Variants in CDYL2 observed in about 807,000 individuals in gnomAD.
The protein encoded by CDYL2 is chromodomain Y like 2.
Under a neutral mutation model 49.4 loss-of-function variants are expected in CDYL2, and 23 were observed. The ratio of observed to expected loss-of-function variants is 0.47; its 90% CI spans 0.34 to 0.66. The LOEUF (loss-of-function observed/expected upper bound fraction) is 0.66, where lower values mean the gene tolerates loss of function less well. CDYL2 is among the 30% of genes least tolerant of loss of function. The pLI is 0.01. For missense variants in CDYL2, 678 were observed against 656.4 expected (o/e 1.03, Z -0.36); for synonymous variants, 360 against 268.8 (o/e 1.34, Z -3.32).
At chr16:80,615,344 A>T (rs1299888939) in intron 4 of CDYL2, among the ~76,000 whole-genome samples, 2 of 152,100 alleles carry the variant, frequency 1.3e-5, no homozygotes, top group Admixed American at 6.5e-5. Context: ...AGGGGTTTGG[A>T]TGATTTTTGT....
intron 2 of CDYL2, among the ~76,000 whole-genome samples, chr16:80,676,068 T>C (rs1373124532): frequency 2.6e-5 from 4 of 152,144 alleles, no homozygotes. Flanking sequence ...CCCTTGGATC[T>C]GCCATAGGTC....
chr16:80,654,052 T>C (rs1813964361), intron 2 of CDYL2, among the ~76,000 whole-genome samples: 1 of 152,164 alleles, frequency 6.6e-6, no homozygotes, highest in African/African-American at 2.4e-5. Context: ...TTTCTGCCAA[T>C]GAAGTGAGTG....
intron 2 of CDYL2, chr16:80,662,806 C>G (rs1001838900): frequency 2.2e-6 from 1 of 454,240 alleles, no homozygotes; most frequent in Non-Finnish European, 4.4e-6. Context: ...GGAAAATCAT[C>G]ATGGATACCT....
chr16:80,709,211 G>A (rs1445812955), intron 1 of CDYL2, among the ~76,000 whole-genome samples: 5 of 152,060 alleles, frequency 3.3e-5, no homozygotes, highest in African/African-American at 1.2e-4. Flanking sequence ...GCGAAACCCC[G>A]TCTCCACTAC....
intron 1 of CDYL2, among the ~76,000 whole-genome samples, chr16:80,784,968 C>G (rs1907387224): frequency 6.6e-6 from 1 of 152,208 alleles, no homozygotes; most frequent in Non-Finnish European, 1.5e-5. Context: ...CAAAGGATAG[C>G]TGCATGAACA....
chr16:80,728,416 G>A (rs1385510942), intron 1 of CDYL2, among the ~76,000 whole-genome samples: 5 of 152,100 alleles, frequency 3.3e-5, no homozygotes, highest in South Asian at 2.1e-4. Context: ...AAAAAGAAAC[G>A]AACAAAGCCT....
At chr16:80,640,203 G>C (rs1311439471) in intron 2 of CDYL2, among the ~76,000 whole-genome samples, 1 of 152,192 alleles carries the variant, frequency 6.6e-6, no homozygotes, top group Non-Finnish European at 1.5e-5. Context: ...GTATCCAAAA[G>C]AGATCCCTCC....
chr16:80,679,733 C>G (rs1333311742), intron 2 of CDYL2: 2 of 456,010 alleles, frequency 4.4e-6, no homozygotes, highest in East Asian at 6.9e-5. Flanking sequence ...CTCAATACCA[C>G]CACCTGGCAG....
At chr16:80,778,010 A>AT (rs966640215) in intron 1 of CDYL2, among the ~76,000 whole-genome samples, 12 of 152,050 alleles carry the variant, frequency 7.9e-5, no homozygotes, top group African/African-American at 2.9e-4. Flanking sequence ...AAATATGGAA[A>AT]TTTTTAAAAA....
intron 1 of CDYL2, among the ~76,000 whole-genome samples, chr16:80,769,988 T>TTA (rs1034299324): frequency 3.3e-5 from 5 of 152,154 alleles, no homozygotes; most frequent in African/African-American, 1.2e-4. Flanking sequence ...TATTAGAAAG[T>TTA]GTCAGGTTTT....
chr16:80,625,572 T>TACC (rs1907264751), intron 3 of CDYL2, among the ~76,000 whole-genome samples: 1 of 152,214 alleles, frequency 6.6e-6, no homozygotes, highest in East Asian at 1.9e-4. Flanking sequence ...GGCTTCTATC[T>TACC]ACCACAGACT....
At chr16:80,716,032 G>A (rs1029926358) in intron 1 of CDYL2, among the ~76,000 whole-genome samples, 1 of 152,216 alleles carries the variant, frequency 6.6e-6, no homozygotes, top group African/African-American at 2.4e-5. Context: ...GTTCCTCATG[G>A]GGATGATAAT....
chr16:80,615,295 G>A (rs989782788), intron 4 of CDYL2, among the ~76,000 whole-genome samples: 4 of 152,110 alleles, frequency 2.6e-5, no homozygotes, highest in Non-Finnish European at 4.4e-5. Context: ...AAAGCAATTT[G>A]GGGTCTGCGG....
intron 1 of CDYL2, among the ~76,000 whole-genome samples, chr16:80,719,487 G>C (rs1201724222): frequency 2.0e-5 from 3 of 152,130 alleles, no homozygotes; most frequent in African/African-American, 7.2e-5. Context: ...GGAGGAATAG[G>C]GGTTCATTTT....
chr16:80,801,797 T>C (rs1284804737), intron 1 of CDYL2, among the ~76,000 whole-genome samples: 1 of 152,220 alleles, frequency 6.6e-6, no homozygotes, highest in Non-Finnish European at 1.5e-5. Context: ...GAAATATATA[T>C]GCTAATGTAC....
At chr16:80,686,817 C>T (rs1316223095) in intron 1 of CDYL2, among the ~76,000 whole-genome samples, 1 of 152,172 alleles carries the variant, frequency 6.6e-6, no homozygotes, top group Non-Finnish European at 1.5e-5. Flanking sequence ...TCTTCATAGA[C>T]AATTTAAATT....
chr16:80,642,604 AAG>A (rs1267731249), intron 2 of CDYL2, among the ~76,000 whole-genome samples: 5 of 152,102 alleles, frequency 3.3e-5, no homozygotes, highest in African/African-American at 1.2e-4. Flanking sequence ...TGGGAAGAAA[AAG>A]AGGTTTAATT....
At chr16:80,648,195 T>C (rs1199019296) in intron 2 of CDYL2, among the ~76,000 whole-genome samples, 1 of 151,126 alleles carries the variant, frequency 6.6e-6, no homozygotes, top group Non-Finnish European at 1.5e-5. Context: ...AAGAAGAAAA[T>C]ACAAAAGATG....
At chr16:80,785,067 A>G (rs1168514352) in intron 1 of CDYL2, among the ~76,000 whole-genome samples, 1 of 152,210 alleles carries the variant, frequency 6.6e-6, no homozygotes, top group Non-Finnish European at 1.5e-5. Flanking sequence ...CAAGATCATT[A>G]GTATACAGGA....
Sources: gnomAD v4.1 joint callset for allele counts (sites outside exome capture counted in the v4.1 genomes callset) on GRCh38, gnomAD v4.1.1 for gene constraint, MANE v1.5 for transcripts, NCBI Gene and HGNC (gene_info 2026-07-23, HGNC 2026-07-21) for gene names.